The following CHRNA7 variants were observed in gnomAD, a reference collection of about 807,000 sequenced individuals.
CHRNA7 encodes the protein neuronal acetylcholine receptor subunit alpha-7.
CHRNA7 carries 17 observed loss-of-function variants against 48.0 expected under a neutral mutation model. The observed-to-expected ratio is 0.35, with a 90% CI of 0.24 to 0.53. The LOEUF (loss-of-function observed/expected upper bound fraction) is 0.53, where lower values mean the gene tolerates loss of function less well. Among genes scored for constraint, CHRNA7 ranks in the 20% least tolerant of loss-of-function variants. The probability of loss-of-function intolerance (pLI) is 0.92; values close to 1 mark genes in which losing one functional copy is unlikely to be tolerated. For missense variants in CHRNA7, 155 were observed against 577.7 expected, an observed-to-expected ratio of 0.27 and a Z score of 7.50; for synonymous variants, 75 against 242.3, an observed-to-expected ratio of 0.31 and a Z score of 6.41.
chr15:32,045,162 A>G (rs1198566145), intron 2 of CHRNA7, among the ~76,000 whole-genome samples: 1 of 151,932 alleles, frequency 6.6e-6, no homozygotes, highest in Non-Finnish European at 1.5e-5. Context: ...ACTTTTTTTT[A>G]TAGTCCCTGT....
chr15:32,090,024 G>A (rs8034509), intron 2 of CHRNA7, among the ~76,000 whole-genome samples: 384 of 152,286 alleles, frequency 2.5e-3, no homozygotes, highest in African/African-American at 8.9e-3. Flanking sequence ...CCTGTTGGTG[G>A]GGTGGTAGGT....
At chr15:32,116,346 A>G (rs1566851004) in intron 4 of CHRNA7, among the ~76,000 whole-genome samples, 2 of 152,304 alleles carry the variant, frequency 1.3e-5, no homozygotes, top group Admixed American at 6.5e-5. Flanking sequence ...CAAAACAGCC[A>G]TCTCTGCATC....
chr15:32,145,505 C>T (rs1045890425), intron 4 of CHRNA7, among the ~76,000 whole-genome samples: 2 of 152,306 alleles, frequency 1.3e-5, no homozygotes, highest in Middle Eastern at 3.4e-3. Context: ...GCCTTTTGTT[C>T]AGCTATGCCC....
At chr15:32,123,773 G>A (rs1271242751) in intron 4 of CHRNA7, among the ~76,000 whole-genome samples, 1 of 152,074 alleles carries the variant, frequency 6.6e-6, no homozygotes, top group African/African-American at 2.4e-5. Flanking sequence ...CCGCTGTGCA[G>A]TATATAATCT....
At chr15:32,036,528 G>A (rs907485206) in intron 2 of CHRNA7, among the ~76,000 whole-genome samples, 1 of 152,170 alleles carries the variant, frequency 6.6e-6, no homozygotes, top group Admixed American at 6.5e-5. Context: ...CAAAGTGGAT[G>A]TACCATTTTA....
intron 2 of CHRNA7, among the ~76,000 whole-genome samples, chr15:32,074,006 C>T (rs557331820): frequency 6.6e-6 from 1 of 152,030 alleles, no homozygotes; most frequent in South Asian, 2.1e-4. Flanking sequence ...TTTCTCCCTT[C>T]CTTCATTGTC....
At chr15:32,035,899 C>T (rs1012172420) in intron 2 of CHRNA7, among the ~76,000 whole-genome samples, 6 of 152,112 alleles carry the variant, frequency 3.9e-5, no homozygotes, top group African/African-American at 1.2e-4. Context: ...ATATTTGTTA[C>T]GACTGATGAA....
At chr15:32,094,529 G>A (rs894741250) in intron 2 of CHRNA7, among the ~76,000 whole-genome samples, 13 of 152,158 alleles carry the variant, frequency 8.5e-5, no homozygotes, top group African/African-American at 1.4e-4. Flanking sequence ...ATAGGCAGCC[G>A]CAGATAGTGA....
At chr15:32,055,091 G>T (rs1377087503) in intron 2 of CHRNA7, among the ~76,000 whole-genome samples, 1 of 152,152 alleles carries the variant, frequency 6.6e-6, no homozygotes, top group Non-Finnish European at 1.5e-5. Context: ...AGTGGGTGTG[G>T]AGTGACATTT....
At chr15:32,156,660 C>T (rs1361431834) in intron 5 of CHRNA7, 1 of 72,108 alleles carries the variant, frequency 1.4e-5, no homozygotes, top group Non-Finnish European at 3.1e-5. Context: ...CTGTCCTAGC[C>T]TGGAATAGCT....
Position 32,049,524 on chromosome 15 carries a change from T to G in CHRNA7, c.195+18487T>G, listed in dbSNP as rs1368485214. 2.6e-5 allele frequency among the ~76,000 whole-genome samples: 4 copies of G among 152,218 alleles called. No individual in the cohort carries two copies. The East Asian group carries it at 7.7e-4, about 29-fold the overall frequency. On this transcript the variant is annotated intron_variant, in intron 2 of 9. Coordinates refer to ENST00000306901, the MANE Select transcript of CHRNA7 (RefSeq NM_000746.6). ...GTAGATCTTCCTCCATCCTTTAATT[T>G]TGAGGCTATGTGTGTCTCTGCACGT... is the stretch of plus-strand genomic sequence containing the variant.
At position 32,150,305 on chromosome 15, in the gene CHRNA7, C is replaced by G. The variant is rs1202418980; in HGVS notation, c.351-3602C>G. Among the ~76,000 whole-genome samples, 3 of 152,284 alleles carry G rather than the reference C, an allele frequency of 2.0e-5. No homozygotes were observed. The East Asian group carries it at 5.8e-4, about 29-fold the overall frequency. On this transcript the variant is annotated intron_variant, in intron 4 of 9. Coordinates refer to ENST00000306901, the MANE Select transcript of CHRNA7 (RefSeq NM_000746.6). Reference sequence around the variant, plus strand: ...ACTTCTGGCTTCAAATGATCCTCCCCTCTGGGCCTCCCAAAGTGCTAATAT... The same window carrying G: ...ACTTCTGGCTTCAAATGATCCTCCCGTCTGGGCCTCCCAAAGTGCTAATAT...
intron 2 of CHRNA7, among the ~76,000 whole-genome samples, chr15:32,049,855 C>T (rs1323173960): frequency 1.3e-5 from 2 of 152,114 alleles, no homozygotes; most frequent in Non-Finnish European, 1.5e-5. Flanking sequence ...GTGACAAAAT[C>T]TCTCAGCATT....
At chr15:32,138,411 G>A (rs781303532) in intron 4 of CHRNA7, among the ~76,000 whole-genome samples, 1 of 152,052 alleles carries the variant, frequency 6.6e-6, no homozygotes, top group East Asian at 1.9e-4. Context: ...TAGCATAACT[G>A]TGTGGAAGGT....
chr15:32,146,582 A>G (rs893206026), intron 4 of CHRNA7, among the ~76,000 whole-genome samples: 2 of 152,246 alleles, frequency 1.3e-5, no homozygotes, highest in African/African-American at 4.8e-5. Flanking sequence ...ATGTGTTTCT[A>G]TATTCTTACA....
At chr15:32,122,610 G>A (rs1373555118) in intron 4 of CHRNA7, among the ~76,000 whole-genome samples, 1 of 151,892 alleles carries the variant, frequency 6.6e-6, no homozygotes, top group Admixed American at 6.6e-5. Flanking sequence ...TTTTTATTGT[G>A]TATGGTTTTT....
At chr15:32,093,800 T>C in intron 2 of CHRNA7, among the ~76,000 whole-genome samples, 1 of 152,214 alleles carries the variant, frequency 6.6e-6, no homozygotes, top group East Asian at 1.9e-4. Context: ...TATATAAATA[T>C]ACACGTATTA....
intron 4 of CHRNA7, among the ~76,000 whole-genome samples, chr15:32,139,334 G>A (rs528255067): frequency 1.5e-4 from 23 of 152,314 alleles, no homozygotes; most frequent in Non-Finnish European, 1.6e-4. Flanking sequence ...ATGTATGTAG[G>A]TTTCTGTGTG....
chr15:32,135,395 A>G (rs915183781), intron 4 of CHRNA7, among the ~76,000 whole-genome samples: 1 of 152,244 alleles, frequency 6.6e-6, no homozygotes, highest in African/African-American at 2.4e-5. Flanking sequence ...ACAAATTTAT[A>G]TAGAGTAAAG....
Sources: gnomAD v4.1 joint callset for allele counts (sites outside exome capture counted in the v4.1 genomes callset) on GRCh38, gnomAD v4.1.1 for gene constraint, MANE v1.5 for transcripts, NCBI Gene and HGNC (gene_info 2026-07-23, HGNC 2026-07-21) for gene names.